Variants in USP6NL observed in about 807,000 individuals in gnomAD.
USP6NL encodes the protein USP6 N-terminal like, also known as USP6 N-terminal-like protein.
In USP6NL, 26 loss-of-function variants were observed where a neutral mutation model predicts 61.9. The observed-to-expected ratio is 0.42, with a 90% CI of 0.31 to 0.58. The LOEUF (loss-of-function observed/expected upper bound fraction) is 0.58, where lower values mean the gene tolerates loss of function less well. Among genes scored for constraint, USP6NL ranks in the 20% least tolerant of loss-of-function variants. USP6NL has a pLI of 0.16. For missense variants in USP6NL, 1,114 were observed against 1,034.3 expected, an observed-to-expected ratio of 1.08 and a Z score of -1.06; for synonymous variants, 432 against 390.1, an observed-to-expected ratio of 1.11 and a Z score of -1.27.
At position 11,472,024 on chromosome 10, in the gene USP6NL, T is replaced by A. The variant is rs559875166; in HGVS notation, c.1079-8175A>T. 2.0e-5 allele frequency among the ~76,000 whole-genome samples: 3 copies of A among 151,414 alleles called. No homozygotes were observed. In the East Asian group the frequency reaches 5.8e-4, roughly 29 times the overall value. ...TTAAAGGGTAAGGAGGCACCACAAC[T>A]CCTCACAGATACAGTAGGGGATGCT... On this transcript the variant is annotated intron_variant, in intron 14 of 14. Coordinates refer to ENST00000609104, the MANE Select transcript of USP6NL (RefSeq NM_014688.5).
chr10:11,493,863 T>C (rs766214479), intron 7 of USP6NL, among the ~76,000 whole-genome samples: 1 of 151,346 alleles, frequency 6.6e-6, no homozygotes, highest in Non-Finnish European at 1.5e-5. Flanking sequence ...CTGTGCAGCC[T>C]GACCTCTGGG....
chr10:11,543,861 G>C (rs1204456281), intron 2 of USP6NL, among the ~76,000 whole-genome samples: 1 of 131,218 alleles, frequency 7.6e-6, no homozygotes, highest in Non-Finnish European at 1.6e-5. Context: ...CACCAGGATG[G>C]AGTGCAGTGG....
In USP6NL at chr10:11,591,565, AAC is replaced by A. The variant is rs1305779335; in HGVS notation, c.4+6064_4+6065del. Among the ~76,000 whole-genome samples, 4 of 152,152 alleles carry A rather than the reference AAC, an allele frequency of 2.6e-5. No homozygotes were observed. Among genetic ancestry groups the A allele is most frequent in the Admixed American group, 2.0e-4 (3 of 15,280 alleles). The stretch of plus-strand genomic sequence containing the variant: ...AAATTAAATCACCAAATAAAAGGAA[AAC>A]AGACTTTCACAGAAAATGTTTTGTT... On this transcript the variant is annotated intron_variant, in intron 2 of 14. Coordinates refer to ENST00000609104, the MANE Select transcript of USP6NL (RefSeq NM_014688.5). This position sits in a 1 kb window ranked among gnomAD's most constrained non-coding sequence, Gnocchi z 4.7.
chr10:11,555,136 C>G (rs1836642212), intron 2 of USP6NL, among the ~76,000 whole-genome samples: 1 of 141,208 alleles, frequency 7.1e-6, no homozygotes, highest in East Asian at 2.1e-4. Flanking sequence ...TCCTATGAGG[C>G]CAGGTGCAGT....
At chr10:11,552,567 G>A (rs556174556) in intron 2 of USP6NL, among the ~76,000 whole-genome samples, 2 of 152,252 alleles carry the variant, frequency 1.3e-5, no homozygotes, top group Admixed American at 6.5e-5. Context: ...CTGCAACCAC[G>A]GGTTTCGTGA....
At position 11,528,304 on chromosome 10, in the gene USP6NL, CAA is replaced by C. The variant is rs66717319; in HGVS notation, c.5-739_5-738del. Reference sequence around the variant, plus strand: ...AGACTATATAAAAGGCTTCTCTTACCAAAAAAAAAAAGCATTCTAAGAGAAAA... The same window carrying C: ...AGACTATATAAAAGGCTTCTCTTACCAAAAAAAAAGCATTCTAAGAGAAAA... On this transcript the variant is annotated intron_variant, in intron 2 of 14. Coordinates refer to ENST00000609104, the MANE Select transcript of USP6NL (RefSeq NM_014688.5). The surrounding 1 kb of genome is among the most constrained non-coding windows in gnomAD (Gnocchi z 4.6). Among the ~76,000 whole-genome samples, 6 of 135,438 alleles carry C rather than the reference CAA, an allele frequency of 4.4e-5. No homozygotes were observed. The highest frequency in any genetic ancestry group is 7.3e-5 in the Admixed American group (1 of 13,646). The allele number at this position is 135,438 out of a possible 152,430, so 88.9% of individuals were successfully genotyped here.
At chr10:11,538,467 GTC>G (rs1042872465) in intron 2 of USP6NL, among the ~76,000 whole-genome samples, 11 of 152,152 alleles carry the variant, frequency 7.2e-5, no homozygotes, top group Admixed American at 2.6e-4. Context: ...CCATCCTGGT[GTC>G]TCTGGTATCT....
intron 6 of USP6NL, among the ~76,000 whole-genome samples, chr10:11,508,339 C>T (rs1415110722): frequency 3.3e-5 from 5 of 152,170 alleles, no homozygotes; most frequent in African/African-American, 1.2e-4. Flanking sequence ...CTCCATTCTG[C>T]AGATGAGGAA....
intron 3 of USP6NL, among the ~76,000 whole-genome samples, chr10:11,526,325 T>G (rs1835419217): frequency 6.6e-6 from 1 of 152,176 alleles, no homozygotes; most frequent in Non-Finnish European, 1.5e-5. Flanking sequence ...TCTGCTTGTG[T>G]GTTCTCCTCT....
In USP6NL at chr10:11,596,591, T is replaced by C. The variant is rs937807885; in HGVS notation, c.4+1040A>G. Among the ~76,000 whole-genome samples the C allele has an allele frequency of 6.7e-6, 1 of 149,612 alleles. No individual in the cohort carries two copies. The highest frequency in any genetic ancestry group is 2.0e-4 in the East Asian group (1 of 5,096). ...GTGAGCGGAGATGGTGCCACTGCAC[T>C]GCAGCCTGGGCGACAGAGGGAGACT... On this transcript the variant is annotated intron_variant, in intron 2 of 14. Coordinates refer to ENST00000609104, the MANE Select transcript of USP6NL (RefSeq NM_014688.5). This position sits in a 1 kb window ranked among gnomAD's most constrained non-coding sequence, Gnocchi z 4.1.
At chr10:11,557,768 C>T (rs547738875) in intron 2 of USP6NL, among the ~76,000 whole-genome samples, 1 of 152,274 alleles carries the variant, frequency 6.6e-6, no homozygotes, top group East Asian at 1.9e-4. Context: ...ACATGGCATA[C>T]TACACGGGCG....
At chr10:11,503,386 T>C (rs1482634144) in intron 6 of USP6NL, among the ~76,000 whole-genome samples, 2 of 152,216 alleles carry the variant, frequency 1.3e-5, no homozygotes, top group Admixed American at 6.5e-5. Context: ...TAAGTTACTG[T>C]ACATCATTTA....
At chr10:11,555,429 A>AAAAAAC (rs1836657302) in intron 2 of USP6NL, among the ~76,000 whole-genome samples, 1 of 83,082 alleles carries the variant, frequency 1.2e-5, no homozygotes, top group Non-Finnish European at 2.2e-5. Context: ...AAAAAAAAAA[A>AAAAAAC]AAAAATATAT....
intron 2 of USP6NL, among the ~76,000 whole-genome samples, chr10:11,543,548 TA>T (rs946216384): frequency 6.8e-6 from 1 of 147,092 alleles, no homozygotes; most frequent in Non-Finnish European, 1.5e-5. Flanking sequence ...TCTCAAAAAA[TA>T]AAAAAGAAAA....
intron 2 of USP6NL, among the ~76,000 whole-genome samples, chr10:11,572,945 A>G (rs545013787): frequency 1.3e-5 from 2 of 152,312 alleles, no homozygotes; most frequent in African/African-American, 4.8e-5. Context: ...TATCTACATT[A>G]GCTCATTTAA....
rs925530351 is a variant in USP6NL, at chr10:11,498,777, T to A, written c.384+2324A>T. On this transcript the variant is annotated intron_variant, in intron 7 of 14. Transcript: ENST00000609104. ...CTTTGAAATTCAGCAATCTTTTTCC[T>A]TCCTGTAGGAAACAAAGTCCCACCA... 3.9e-5 allele frequency among the ~76,000 whole-genome samples: 6 copies of A among 152,290 alleles called. No homozygotes were observed. The South Asian group carries it at 1.2e-3, about 32-fold the overall frequency.
intron 2 of USP6NL, among the ~76,000 whole-genome samples, chr10:11,539,666 C>T (rs1199507003): frequency 6.6e-6 from 1 of 152,190 alleles, no homozygotes; most frequent in African/African-American, 2.4e-5. Flanking sequence ...CACTTCAACC[C>T]GCCTACAGTT....
At chr10:11,526,189 G>A (rs11257151) in intron 3 of USP6NL, among the ~76,000 whole-genome samples, 1 of 151,748 alleles carries the variant, frequency 6.6e-6, no homozygotes, top group East Asian at 1.9e-4. Flanking sequence ...TCTTAATCTA[G>A]GTATCATTTA....
Position 11,485,078 on chromosome 10 carries a change from T to A in USP6NL, c.826-8A>T, listed in dbSNP as rs1422141177. ...GTTTAGTGTAAAGGGAGTCTACAAT[T>A]AAAAGCAAAACAAAACAAAAATAGG... is the stretch of plus-strand genomic sequence containing the variant. On this transcript the variant is annotated splice_region_variant and splice_polypyrimidine_tract_variant and intron_variant, in intron 12 of 14. Transcript: ENST00000609104. The surrounding 1 kb of genome is among the most constrained non-coding windows in gnomAD (Gnocchi z 4.8). 1.3e-6 allele frequency: 2 copies of A among 1,539,166 alleles called. No individual in the cohort carries two copies. Among genetic ancestry groups the A allele is most frequent in the Non-Finnish European group, 8.7e-7 (1 of 1,143,980 alleles).
Sources: gnomAD v4.1 joint callset for allele counts (sites outside exome capture counted in the v4.1 genomes callset) on GRCh38, gnomAD v4.1.1 for gene constraint, Gnocchi (gnomAD v3.1) non-coding constraint, MANE v1.5 for transcripts, NCBI Gene and HGNC (gene_info 2026-07-23, HGNC 2026-07-21) for gene names.